The following CSMD3 variants were observed in gnomAD, a reference collection of about 807,000 sequenced individuals.
CSMD3 encodes the protein CUB and Sushi multiple domains 3.
In CSMD3, 177 loss-of-function variants were observed where a neutral mutation model predicts 435.2. That is an observed-to-expected ratio of 0.41 (90% CI 0.36 to 0.46). CSMD3 has a LOEUF of 0.46. Among genes scored for constraint, CSMD3 ranks in the 20% least tolerant of loss-of-function variants. The pLI is 0.34. For missense variants in CSMD3, 4,265 were observed against 4,504.6 expected, an observed-to-expected ratio of 0.95 and a Z score of 1.52; for synonymous variants, 1,656 against 1,520.5, an observed-to-expected ratio of 1.09 and a Z score of -2.07.
chr8:113,050,988 G>A lies in CSMD3; in HGVS notation c.918-31809C>T, dbSNP rs2088063836. ...AGTGACATAACATTTGGTGGGAGAA[G>A]GGAAGTGAGAAAGGGTGTGTTGTGA... On this transcript the variant is annotated intron_variant, in intron 5 of 70. Coordinates refer to ENST00000297405, the MANE Select transcript of CSMD3 (RefSeq NM_198123.2). Among the ~76,000 whole-genome samples, 4 of 152,132 alleles carry A rather than the reference G, an allele frequency of 2.6e-5. No homozygotes were observed. The South Asian group carries it at 8.3e-4, about 32-fold the overall frequency.
intron 13 of CSMD3, among the ~76,000 whole-genome samples, chr8:112,734,874 C>T (rs2077152665): frequency 6.6e-6 from 1 of 151,862 alleles, no homozygotes; most frequent in African/African-American, 2.4e-5. Flanking sequence ...TAAGAAAGTA[C>T]TTCCTTCTAT....
At chr8:113,110,529 A>G (rs927948430) in intron 4 of CSMD3, among the ~76,000 whole-genome samples, 4 of 152,188 alleles carry the variant, frequency 2.6e-5, no homozygotes, top group African/African-American at 9.7e-5. Flanking sequence ...CCTAATGTCC[A>G]TCTGAGACCT....
chr8:113,056,404 T>C (rs2088341294), intron 5 of CSMD3, among the ~76,000 whole-genome samples: 1 of 152,226 alleles, frequency 6.6e-6, no homozygotes, highest in Admixed American at 6.5e-5. Context: ...CTGATGGTGA[T>C]GTTTAAGTGT....
intron 12 of CSMD3, among the ~76,000 whole-genome samples, chr8:112,807,918 T>G (rs1379534012): frequency 6.6e-6 from 1 of 152,178 alleles, no homozygotes; most frequent in Admixed American, 6.5e-5. Flanking sequence ...CCTAATAAAG[T>G]AACCCCTATA....
At chr8:112,465,977 A>AG (rs1817918147) in intron 32 of CSMD3, among the ~76,000 whole-genome samples, 1 of 151,174 alleles carries the variant, frequency 6.6e-6, no homozygotes, top group Non-Finnish European at 1.5e-5. Flanking sequence ...ACCATCTCAA[A>AG]AAAAAAAAAA....
chr8:112,407,636 G>A (rs1345446349), intron 34 of CSMD3, among the ~76,000 whole-genome samples: 1 of 151,988 alleles, frequency 6.6e-6, no homozygotes, highest in Admixed American at 6.6e-5. Context: ...GATAAATGGG[G>A]TAAGAAGGTT....
chr8:113,303,703 A>G (rs2093793912), intron 2 of CSMD3, among the ~76,000 whole-genome samples: 1 of 136,654 alleles, frequency 7.3e-6, no homozygotes, highest in Non-Finnish European at 1.6e-5. Flanking sequence ...AAAACTGGCT[A>G]GCCATATGTA....
At position 112,224,926 on chromosome 8, in the gene CSMD3, C is replaced by T. The variant is rs2129766298; in HGVS notation, c.10969G>A (p.Ala3657Thr). The T allele has an allele frequency of 1.2e-6, 2 of 1,613,852 alleles. No individual in the cohort carries two copies. Among genetic ancestry groups the T allele is most frequent in the Non-Finnish European group, 8.5e-7 (1 of 1,179,768 alleles). Residue 3657 changes from alanine (A) to threonine (T), a missense_variant, in exon 71 of 71, where the codon GCA becomes ACA. Physicochemically the swap from Ala to Thr is moderately conservative, Grantham distance 58. Transcript: ENST00000297405. ...CATCCTGTATACTGTGTTTTAGGTG[C>T]AGTCCTGTTGATGAGAACATTGATT... ...FGFYLYKQRTAPKTQYTGCSV... is the reference protein window; with the variant it reads ...FGFYLYKQRTTPKTQYTGCSV...
At chr8:112,310,875 C>G in intron 50 of CSMD3, 103 bp downstream of exon 50, 1 of 943,472 alleles carries the variant, frequency 1.1e-6, no homozygotes, top group Non-Finnish European at 1.7e-6. Flanking sequence ...AATATGCTTC[C>G]GAATATTTCC....
In CSMD3 at chr8:113,305,744, A is replaced by G. The variant is rs75130385; in HGVS notation, c.401+8827T>C. On this transcript the variant is annotated intron_variant, in intron 2 of 70. Transcript: ENST00000297405. The stretch of plus-strand genomic sequence containing the variant: ...TTTAGAAATCCTATCTGTCCTTGAG[A>G]TCTATGCAATCATTAATTTGAATGC... Among the ~76,000 whole-genome samples the G allele has an allele frequency of 7.2e-3, 1,102 of 152,302 alleles. 12 individuals are homozygous for G. The highest frequency in any genetic ancestry group is 0.025 in the African/African-American group (1,030 of 41,564).
At chr8:112,489,254 CA>C (rs1482640131) in intron 31 of CSMD3, among the ~76,000 whole-genome samples, 1 of 150,718 alleles carries the variant, frequency 6.6e-6, no homozygotes. Flanking sequence ...ACTGTCTCTG[CA>C]AAAAAAATAA....
At chr8:113,027,736 A>G (rs915808238) in intron 5 of CSMD3, among the ~76,000 whole-genome samples, 2 of 151,974 alleles carry the variant, frequency 1.3e-5, no homozygotes, top group Non-Finnish European at 2.9e-5. Context: ...TCTTAACCAC[A>G]CACCATAAAA....
At chr8:113,045,757 A>G (rs1220088126) in intron 5 of CSMD3, among the ~76,000 whole-genome samples, 1 of 149,328 alleles carries the variant, frequency 6.7e-6, no homozygotes, top group Admixed American at 6.7e-5. Context: ...TTCAACTTAC[A>G]CTTGTGCCTC....
intron 32 of CSMD3, among the ~76,000 whole-genome samples, chr8:112,438,410 C>T (rs1030512228): frequency 6.6e-6 from 1 of 152,174 alleles, no homozygotes; most frequent in Admixed American, 6.5e-5. Context: ...GTCAACTTCT[C>T]TATTTAAATG....
chr8:113,160,988 G>A (rs142593356), intron 4 of CSMD3, among the ~76,000 whole-genome samples: 68 of 152,132 alleles, frequency 4.5e-4, no homozygotes, highest in African/African-American at 1.6e-3. Flanking sequence ...AGTCCCAGAA[G>A]GAATTAAATC....
At chr8:112,775,485 G>A (rs939286578) in intron 13 of CSMD3, among the ~76,000 whole-genome samples, 22 of 151,236 alleles carry the variant, frequency 1.5e-4, no homozygotes, top group Admixed American at 4.6e-4. Flanking sequence ...ATTAAGTTTC[G>A]TTTTTTAGTA....
At chr8:112,764,421 G>A (rs1047988280) in intron 13 of CSMD3, among the ~76,000 whole-genome samples, 2 of 150,952 alleles carry the variant, frequency 1.3e-5, no homozygotes, top group East Asian at 1.9e-4. Context: ...TCCAAACATC[G>A]GTGAATTTAC....
chr8:112,773,893 G>A (rs1014804760), intron 13 of CSMD3, among the ~76,000 whole-genome samples: 6 of 152,118 alleles, frequency 3.9e-5, no homozygotes, highest in South Asian at 2.1e-4. Context: ...GGAACTCTGC[G>A]TGAGCTTTTA....
At chr8:112,875,233 T>A (rs1370481637) in intron 10 of CSMD3, among the ~76,000 whole-genome samples, 1 of 152,170 alleles carries the variant, frequency 6.6e-6, no homozygotes, top group African/African-American at 2.4e-5. Context: ...TTTAAGAATG[T>A]CAAATATTGG....
Sources: allele counts gnomAD v4.1 joint callset (sites outside exome capture counted in the v4.1 genomes callset), GRCh38; gene constraint gnomAD v4.1.1; transcripts MANE v1.5; gene names NCBI Gene and HGNC (gene_info 2026-07-23, HGNC 2026-07-21).